RADIL: variants seen among roughly 807,000 people sequenced by gnomAD.
The protein encoded by RADIL is ras-associating and dilute domain-containing protein.
RADIL carries 99 observed loss-of-function variants against 97.6 expected under a neutral mutation model. The ratio of observed to expected loss-of-function variants is 1.01; its 90% CI spans 0.86 to 1.20. The LOEUF is 1.20. RADIL is among the 50% of genes most tolerant of loss of function. The pLI is 0.00. For synonymous variants in RADIL, 803 were observed against 691.8 expected (o/e 1.16, Z -2.52); for missense variants, 1,765 against 1,498.9 (o/e 1.18, Z -2.93).
intron 6 of RADIL, among the ~76,000 whole-genome samples, chr7:4,820,195 G>A (rs1782792097): frequency 6.6e-6 from 1 of 152,242 alleles, no homozygotes; most frequent in Non-Finnish European, 1.5e-5. Context: ...CCCTTGGCCG[G>A]CCGCAACTCC....
At position 4,817,457 on chromosome 7, in the gene RADIL, C is replaced by T. The variant is rs1205291296; in HGVS notation, c.1616-106G>A. The T allele has an allele frequency of 2.5e-5, 24 of 970,994 alleles. No homozygotes were observed. The highest frequency in any genetic ancestry group is 6.4e-5 in the South Asian group (4 of 62,554). 60.1% of individuals were successfully genotyped at this position (970,994 alleles called of 1,614,324 possible). ...TCCCTGGCGCGGGCACCACCCAACG[C>T]GCCCATCTGGGGTCCAGATGCGATA... On this transcript the variant is annotated intron_variant, in intron 6 of 14. Coordinates refer to ENST00000399583, the MANE Select transcript of RADIL (RefSeq NM_018059.5). This position sits in a 1 kb window ranked among gnomAD's most constrained non-coding sequence, Gnocchi z 8.3.
At chr7:4,808,678 ACTGCCCCCGTTC>A (rs1782426692) in intron 9 of RADIL, 1 of 838,856 alleles carries the variant, frequency 1.2e-6, no homozygotes, top group African/African-American at 2.0e-5. Flanking sequence ...TTCCGACGCC[ACTGCCCCCGTTC>A]CAACGCCACT....
chr7:4,827,639 G>C lies in RADIL; in HGVS notation c.1454+4502C>G, dbSNP rs143091970. ...TCGTGCCACTGTACTCCAGCCTGGG[G>C]GACAGGGCGAGTCTCCATCGCAAAA... On this transcript the variant is annotated intron_variant, in intron 5 of 14. Coordinates refer to ENST00000399583, the MANE Select transcript of RADIL (RefSeq NM_018059.5). Among the ~76,000 whole-genome samples, 1,211 of 152,186 alleles carry C rather than the reference G, an allele frequency of 8.0e-3. 14 individuals are homozygous for C. Among genetic ancestry groups the C allele is most frequent in the African/African-American group, 0.026 (1,077 of 41,508 alleles).
chr7:4,852,763 A>C (rs183209247), intron 2 of RADIL, among the ~76,000 whole-genome samples: 101 of 152,212 alleles, frequency 6.6e-4, no homozygotes, highest in African/African-American at 2.2e-3. Context: ...GGCTGGTCTC[A>C]AACTCCTGAC....
At chr7:4,844,212 G>A (rs1006080487) in intron 2 of RADIL, among the ~76,000 whole-genome samples, 5 of 152,110 alleles carry the variant, frequency 3.3e-5, no homozygotes, top group African/African-American at 4.8e-5. Context: ...TTTGGAGGCC[G>A]AGGCAGGCAG....
At chr7:4,862,909 T>A (rs1176966796) in intron 2 of RADIL, among the ~76,000 whole-genome samples, 11 of 104,096 alleles carry the variant, frequency 1.1e-4, no homozygotes, top group South Asian at 3.3e-4. Flanking sequence ...AAAAAAAAAA[T>A]AAAATTAAAA....
intron 2 of RADIL, chr7:4,861,094 G>A (rs1783979795): frequency 6.2e-7 from 1 of 1,614,100 alleles, no homozygotes; most frequent in Non-Finnish European, 8.5e-7. Context: ...CTAATATATT[G>A]GAATAGATAT....
chr7:4,839,162 G>GA (rs1463920460), intron 2 of RADIL, among the ~76,000 whole-genome samples: 1 of 152,062 alleles, frequency 6.6e-6, no homozygotes, highest in Non-Finnish European at 1.5e-5. Context: ...CGTTGGCTCA[G>GA]TTTTTTTTAA....
chr7:4,881,721 C>T (rs1198976410), intron 1 of RADIL, among the ~76,000 whole-genome samples: 5 of 144,842 alleles, frequency 3.5e-5, no homozygotes, highest in East Asian at 4.0e-4. Flanking sequence ...AGTGAGACTC[C>T]GTCTCAAAAA....
At chr7:4,865,204 C>T (rs936041019) in intron 2 of RADIL, among the ~76,000 whole-genome samples, 3 of 152,224 alleles carry the variant, frequency 2.0e-5, no homozygotes, top group African/African-American at 7.2e-5. Context: ...TCCCTCACCC[C>T]CCATTCCAAA....
rs369967134 is a variant in RADIL, at chr7:4,858,071, C to T, written c.535+19534G>A. 4 of 152,650 alleles carry T rather than the reference C, an allele frequency of 2.6e-5. No homozygotes were observed. The South Asian group carries it at 8.3e-4, about 32-fold the overall frequency. 9.5% of individuals were successfully genotyped at this position (152,650 alleles called of 1,614,324 possible). Reference sequence around the variant, plus strand: ...ATTCAAAATACAGATATTGTGCACACTTCACCCGATTTATTATTGTGGTGA... The same window carrying T: ...ATTCAAAATACAGATATTGTGCACATTTCACCCGATTTATTATTGTGGTGA... On this transcript the variant is annotated intron_variant, in intron 2 of 14. Transcript: ENST00000399583.
chr7:4,802,656 T>G (rs372565780), intron 11 of RADIL, among the ~76,000 whole-genome samples: 200 of 64,648 alleles, frequency 3.1e-3, no homozygotes, highest in South Asian at 7.5e-3. Context: ...CTCGGGGCAC[T>G]CTGGCTGGGG....
intron 9 of RADIL, among the ~76,000 whole-genome samples, chr7:4,810,060 C>T (rs1021495285): frequency 2.0e-5 from 3 of 152,142 alleles, no homozygotes; most frequent in Admixed American, 1.3e-4. Context: ...TCAGTGGTGG[C>T]CAGGCTGGTC....
rs115441208 is a variant in RADIL at position 4,857,055 on chromosome 7, A to G, written c.536-20450T>C. On this transcript the variant is annotated intron_variant, in intron 2 of 14. Transcript: ENST00000399583. ...TTTCCCTTCTATTTTTATCTGCTTG[A>G]TATCAATTAATGAAAGGCTGTTTTG... Among the ~76,000 whole-genome samples, 965 of 152,352 alleles carry G rather than the reference A, an allele frequency of 6.3e-3. 11 individuals are homozygous for G. The highest frequency in any genetic ancestry group is 0.022 in the African/African-American group (920 of 41,574).
chr7:4,861,755 T>C (rs1475763917), intron 2 of RADIL: 2 of 1,488,326 alleles, frequency 1.3e-6, no homozygotes, highest in Non-Finnish European at 1.8e-6. Context: ...GCCGTAGCGA[T>C]TCGGCGGCGG....
At chr7:4,850,225 A>AAAAG (rs1783674714) in intron 2 of RADIL, among the ~76,000 whole-genome samples, 1 of 150,226 alleles carries the variant, frequency 6.7e-6, no homozygotes, top group African/African-American at 2.5e-5. Flanking sequence ...TTAAAAAAAA[A>AAAAG]AAAAAAAAAA....
chr7:4,871,973 C>T (rs1451927801), intron 2 of RADIL, among the ~76,000 whole-genome samples: 5 of 152,164 alleles, frequency 3.3e-5, no homozygotes, highest in African/African-American at 1.2e-4. Flanking sequence ...ACGGTGATGT[C>T]CCTGTCTCCA....
intron 9 of RADIL, among the ~76,000 whole-genome samples, chr7:4,808,343 G>C (rs1387350981): frequency 6.6e-6 from 1 of 151,540 alleles, no homozygotes; most frequent in Non-Finnish European, 1.5e-5. Context: ...TTCTCTCATG[G>C]ATACAATCTT....
chr7:4,857,404 T>G (rs1248578652), intron 2 of RADIL, among the ~76,000 whole-genome samples: 1 of 152,254 alleles, frequency 6.6e-6, no homozygotes, highest in Non-Finnish European at 1.5e-5. Flanking sequence ...CTGCCTTTTT[T>G]AATCAGGAAG....
Sources: allele counts gnomAD v4.1 joint callset (sites outside exome capture counted in the v4.1 genomes callset), GRCh38; gene constraint gnomAD v4.1.1; non-coding constraint Gnocchi (gnomAD v3.1); transcripts MANE v1.5; gene names NCBI Gene and HGNC (gene_info 2026-07-23, HGNC 2026-07-21).